The following BICD1 variants were observed in gnomAD, a reference collection of about 807,000 sequenced individuals.
BICD1 encodes protein bicaudal D homolog 1.
Under a neutral mutation model 92.5 loss-of-function variants are expected in BICD1, and 35 were observed. The ratio of observed to expected loss-of-function variants is 0.38; its 90% confidence interval spans 0.29 to 0.50. The LOEUF (loss-of-function observed/expected upper bound fraction) is 0.50, where lower values mean the gene tolerates loss of function less well. BICD1 is among the 20% of genes least tolerant of loss of function. The probability of loss-of-function intolerance (pLI) is 0.93; values close to 1 mark genes in which losing one functional copy is unlikely to be tolerated. For missense variants in BICD1, 950 were observed against 1,189.8 expected (o/e 0.80, Z 2.97); for synonymous variants, 429 against 465.1 (o/e 0.92, Z 1.00).
chr12:32,142,677 C>G (rs1009771408), intron 1 of BICD1, among the ~76,000 whole-genome samples: 2 of 144,372 alleles, frequency 1.4e-5, no homozygotes, highest in Admixed American at 1.4e-4. Flanking sequence ...CATTAGTTTT[C>G]TAAGCCTTAA....
chr12:32,249,924 G>T (rs920709948), intron 2 of BICD1, among the ~76,000 whole-genome samples: 7 of 151,388 alleles, frequency 4.6e-5, no homozygotes, highest in African/African-American at 1.7e-4. Flanking sequence ...GATCATAAAT[G>T]CTTCTGGGGT....
At chr12:32,239,714 T>C (rs1257290824) in intron 2 of BICD1, among the ~76,000 whole-genome samples, 1 of 151,720 alleles carries the variant, frequency 6.6e-6, no homozygotes, top group Non-Finnish European at 1.5e-5. Context: ...GTTCAAGTGA[T>C]TCTCCTGCCT....
chr12:32,309,738 C>T (rs174436), intron 4 of BICD1, among the ~76,000 whole-genome samples: 96,375 of 152,026 alleles, frequency 0.63, 31,231 homozygotes, highest in Middle Eastern at 0.73. Flanking sequence ...CCTCAGCTTA[C>T]AGTGTCAACA....
chr12:32,248,777 T>G (rs1057473777), intron 2 of BICD1, among the ~76,000 whole-genome samples: 1 of 152,108 alleles, frequency 6.6e-6, no homozygotes, highest in Non-Finnish European at 1.5e-5. Flanking sequence ...TAGAATTTAT[T>G]AAGCAAAAGG....
At chr12:32,189,365 T>C (rs1944503721) in intron 1 of BICD1, among the ~76,000 whole-genome samples, 1 of 152,184 alleles carries the variant, frequency 6.6e-6, no homozygotes, top group East Asian at 1.9e-4. Flanking sequence ...AACCAGCCTA[T>C]GGTAATGTCT....
intron 4 of BICD1, among the ~76,000 whole-genome samples, chr12:32,326,262 C>T (rs190937956): frequency 0.013 from 2,025 of 151,608 alleles, 24 homozygotes; most frequent in Non-Finnish European, 0.021. Flanking sequence ...TCTTATAGAA[C>T]AATAATGTAA....
chr12:32,177,239 C>T (rs572917053), intron 1 of BICD1, among the ~76,000 whole-genome samples: 38 of 150,838 alleles, frequency 2.5e-4, no homozygotes, highest in Admixed American at 1.1e-3. Flanking sequence ...CTCTTGAACC[C>T]GGGAGGTGGA....
intron 8 of BICD1, among the ~76,000 whole-genome samples, chr12:32,350,844 C>T (rs1297111525): frequency 6.6e-6 from 1 of 151,946 alleles, no homozygotes. Flanking sequence ...ATAAAGATGC[C>T]ATAGAACCAC....
intron 1 of BICD1, among the ~76,000 whole-genome samples, chr12:32,189,578 C>T (rs1944508685): frequency 6.6e-6 from 1 of 151,794 alleles, no homozygotes; most frequent in Non-Finnish European, 1.5e-5. Flanking sequence ...AGTTAAAAGA[C>T]AAAAGTATTA....
intron 2 of BICD1, among the ~76,000 whole-genome samples, chr12:32,261,994 C>CTGACAGGGG (rs1324835108): frequency 7.0e-6 from 1 of 142,028 alleles, no homozygotes; most frequent in African/African-American, 2.8e-5. Context: ...GTTACAGTAC[C>CTGACAGGGG]TGACAGGGGC....
At chr12:32,118,652 TAC>T (rs1942036673) in intron 1 of BICD1, among the ~76,000 whole-genome samples, 1 of 152,174 alleles carries the variant, frequency 6.6e-6, no homozygotes, top group Non-Finnish European at 1.5e-5. Context: ...ATGCAAATAC[TAC>T]ACTATTTTAT....
At position 32,272,517 on chromosome 12, in the gene BICD1, T is replaced by C. The variant is rs146180138; in HGVS notation, c.427-21477T>C. ...AGGTGCTAGGGTGATTACCCTTATC[T>C]TGTCTCCTGCTAAATCACAGAGGTT... On this transcript the variant is annotated intron_variant, in intron 2 of 9. Transcript: ENST00000652176. 3.7e-3 allele frequency among the ~76,000 whole-genome samples: 562 copies of C among 152,342 alleles called. 3 individuals carry two copies. Among genetic ancestry groups the C allele is most frequent in the African/African-American group, 0.011 (467 of 41,564 alleles).
At chr12:32,280,487 T>C (rs1185307983) in intron 2 of BICD1, among the ~76,000 whole-genome samples, 1 of 152,224 alleles carries the variant, frequency 6.6e-6, no homozygotes, top group East Asian at 1.9e-4. Flanking sequence ...AGGGATATTT[T>C]AGTAAGTTTG....
chr12:32,183,738 C>A (rs1034159426), intron 1 of BICD1, among the ~76,000 whole-genome samples: 3 of 152,190 alleles, frequency 2.0e-5, no homozygotes, highest in Non-Finnish European at 2.9e-5. Flanking sequence ...AATGTGTATT[C>A]AGAGTTCCCA....
intron 4 of BICD1, among the ~76,000 whole-genome samples, chr12:32,327,122 A>G (rs261889): frequency 0.82 from 125,179 of 152,136 alleles, 51,676 homozygotes; most frequent in East Asian, 0.87. Context: ...AAATAACACC[A>G]GTCCTATGCT....
At position 32,374,568 on chromosome 12, in the gene BICD1, C is replaced by CTTTT. The variant is rs146526015; in HGVS notation, c.2841-2959_2841-2956dup. 1.5e-4 allele frequency among the ~76,000 whole-genome samples: 19 copies of CTTTT among 124,892 alleles called. No homozygotes were observed. The East Asian group carries it at 3.7e-3, about 24-fold the overall frequency. The allele number at this position is 124,892 out of a possible 152,430, so 81.9% of individuals were successfully genotyped here. A position where few individuals can be genotyped will look rare whatever the true frequency, so the allele number is the denominator to read the frequency against. ...TTTTAAATATTTTCTTTTCTTTCTT[C>CTTTT]TTTTTTTTTTTTTTTTGAGACGGAG... On this transcript the variant is annotated intron_variant, in intron 9 of 9. Transcript: ENST00000652176.
At chr12:32,342,204 G>GTATATA (rs3075972) in intron 8 of BICD1, among the ~76,000 whole-genome samples, 2,496 of 119,200 alleles carry the variant, frequency 0.021, 40 homozygotes, top group Middle Eastern at 0.042. Context: ...GTGTGTGTGT[G>GTATATA]TATATATATA....
intron 8 of BICD1, among the ~76,000 whole-genome samples, chr12:32,346,592 ATATATATATATATATATATACGTG>A (rs1160288420): frequency 2.0e-4 from 3 of 14,736 alleles, no homozygotes; most frequent in Admixed American, 1.1e-3. Flanking sequence ...ACGTGTATAT[ATATATATATATATATATATACGTG>A]TATATATATA....
At chr12:32,142,405 TAAAAA>T (rs1162662533) in intron 1 of BICD1, among the ~76,000 whole-genome samples, 8,359 of 63,400 alleles carry the variant, frequency 0.13, 260 homozygotes, top group Middle Eastern at 0.23. Context: ...AGACTCTGTC[TAAAAA>T]AAAAAAAAAA....
Sources: gnomAD v4.1 joint callset for allele counts (sites outside exome capture counted in the v4.1 genomes callset) on GRCh38, gnomAD v4.1.1 for gene constraint, MANE v1.5 for transcripts, NCBI Gene and HGNC (gene_info 2026-07-23, HGNC 2026-07-21) for gene names.